HSF2: variants seen among roughly 807,000 people sequenced by gnomAD.
The protein encoded by HSF2 is heat shock factor protein 2.
In HSF2, 21 loss-of-function variants were observed where a neutral mutation model predicts 65.0. That is an observed-to-expected ratio of 0.32 (90% confidence interval 0.23 to 0.47). HSF2 has a LOEUF of 0.47. Ranked by LOEUF, HSF2 falls within the 20% of genes least tolerant of loss-of-function variation. The probability of loss-of-function intolerance (pLI) is 1.00; values close to 1 mark genes in which losing one functional copy is unlikely to be tolerated. For missense variants in HSF2, 499 were observed against 628.1 expected (o/e 0.79, Z 2.20); for synonymous variants, 225 against 219.1 (o/e 1.03, Z -0.24).
chr6:122,421,931 G>A (rs561186774), intron 7 of HSF2, among the ~76,000 whole-genome samples: 5 of 152,054 alleles, frequency 3.3e-5, no homozygotes, highest in African/African-American at 4.8e-5. Flanking sequence ...AGTAAAAGAA[G>A]TAGTAAAGTG....
chr6:122,399,907 C>G (rs1446818946), intron 1 of HSF2, 77 bp downstream of exon 1: 3 of 1,137,076 alleles, frequency 2.6e-6, no homozygotes, highest in Non-Finnish European at 3.9e-6. Flanking sequence ...GGTGGTCTCT[C>G]GCGGCCTTGC....
intron 1 of HSF2, 36 bp from the exon 2 acceptor site, chr6:122,412,337 C>T (rs1300460867): frequency 8.1e-7 from 1 of 1,240,422 alleles, no homozygotes; most frequent in African/African-American, 1.5e-5. Flanking sequence ...AGGAACTTAA[C>T]TAATTTACTT....
In HSF2 at chr6:122,432,621, C is replaced by G. The variant is rs1481966792; in HGVS notation, c.*401C>G. On this transcript the variant is annotated 3_prime_UTR_variant, in exon 13 of 13. Coordinates refer to ENST00000368455, the MANE Select transcript of HSF2 (RefSeq NM_004506.4). ...AATGGTATAACTCCTAAAGCTTTCTCTGCTCCAGTTATTTTTATTAAATAT... is the reference window on the plus strand; with the variant it reads ...AATGGTATAACTCCTAAAGCTTTCTGTGCTCCAGTTATTTTTATTAAATAT... The G allele has an allele frequency of 6.4e-6, 1 of 155,756 alleles. No individual in the cohort carries two copies. The highest frequency in any genetic ancestry group is 2.4e-5 in the African/African-American group (1 of 41,534). 9.6% of individuals were successfully genotyped at this position (155,756 alleles called of 1,614,324 possible).
chr6:122,407,382 C>G (rs1262962970), intron 1 of HSF2, among the ~76,000 whole-genome samples: 1 of 152,136 alleles, frequency 6.6e-6, no homozygotes, highest in Non-Finnish European at 1.5e-5. Context: ...CCGCTATTAG[C>G]CATGTATGAG....
chr6:122,420,310 G>T (rs1264194055), intron 7 of HSF2, 88 bp downstream of exon 7: 2 of 945,390 alleles, frequency 2.1e-6, no homozygotes, highest in Non-Finnish European at 3.1e-6. Context: ...AAGAAGTGTG[G>T]TGAATAACAA....
At chr6:122,412,335 A>T in intron 1 of HSF2, 38 bp from the exon 2 acceptor site, 1 of 1,210,610 alleles carries the variant, frequency 8.3e-7, no homozygotes, top group Non-Finnish European at 1.2e-6. Flanking sequence ...ATAGGAACTT[A>T]ACTAATTTAC....
intron 1 of HSF2, among the ~76,000 whole-genome samples, chr6:122,400,055 G>T (rs1171068960): frequency 2.0e-5 from 3 of 152,116 alleles, no homozygotes; most frequent in African/African-American, 7.2e-5. Context: ...GTGGGGGAGG[G>T]GCGGCCCGCG....
At chr6:122,412,924 A>G (rs145904260) in intron 3 of HSF2, among the ~76,000 whole-genome samples, 160 bp downstream of exon 3, 1,848 of 151,562 alleles carry the variant, frequency 0.012, 15 homozygotes, top group Non-Finnish European at 0.018. Context: ...TTTTTTTCCT[A>G]AGTTAGCTTA....
Position 122,412,404 on chromosome 6 carries a change from A to C in HSF2, c.125A>C (p.Gln42Pro). 1 of 1,612,562 alleles carries C rather than the reference A, an allele frequency of 6.2e-7. No individual in the cohort carries two copies. Among genetic ancestry groups the C allele is most frequent in the Non-Finnish European group, 8.5e-7 (1 of 1,178,830 alleles). The change falls in exon 2 of 13, where the codon CAA becomes CCA. Residue 42 changes from glutamine to proline, a missense_variant. Gln to Pro is a moderately conservative substitution (Grantham distance 76). Transcript: ENST00000368455. ...NGQSFLVLDEQRFAKEILPKY... is the reference protein window; with the variant it reads ...NGQSFLVLDEPRFAKEILPKY... ...CAAAGTTTTCTGGTCTTGGATGAGC[A>C]ACGATTTGCAAAAGAAATTCTTCCC...
At chr6:122,404,526 A>AT (rs1419205814) in intron 1 of HSF2, among the ~76,000 whole-genome samples, 2 of 152,236 alleles carry the variant, frequency 1.3e-5, no homozygotes, top group African/African-American at 4.8e-5. Context: ...GTTCCGAAAA[A>AT]TGTTTTAAAG....
chr6:122,422,978 T>G (rs1357183293), intron 9 of HSF2, 21 bp downstream of exon 9: 1 of 1,611,138 alleles, frequency 6.2e-7, no homozygotes, highest in African/African-American at 1.3e-5. Context: ...ATCTAGATGT[T>G]GTCTAAAATT....
At position 122,431,431 on chromosome 6, in the gene HSF2, C is replaced by A; in HGVS notation, c.1232C>A (p.Ser411Tyr). ...TATATATATATTTTTTTCTTTTAGT[C>A]TGAGAATAAAGGATTAGAAACTACC... ...NPTDYINNTK[S>Y]ENKGLETTKN... The change falls in exon 12 of 13, where the codon TCT becomes TAT. Residue 411 changes from serine (S) to tyrosine (Y), a missense_variant and splice_region_variant. Around this residue, in one of 2 missense-constraint regions of HSF2, gnomAD observed 349 missense variants for 393.5 expected, o/e 0.89. Transcript: ENST00000368455. The A allele has an allele frequency of 1.4e-6, 2 of 1,473,786 alleles. No individual in the cohort carries two copies. The highest frequency in any genetic ancestry group is 2.9e-5 in the South Asian group (2 of 68,224). 91.3% of individuals were successfully genotyped at this position (1,473,786 alleles called of 1,614,324 possible).
chr6:122,403,855 G>A (rs1773799099), intron 1 of HSF2, among the ~76,000 whole-genome samples: 1 of 152,134 alleles, frequency 6.6e-6, no homozygotes, highest in African/African-American at 2.4e-5. Flanking sequence ...GCACATATTA[G>A]CTTGGAAGCA....
At chr6:122,405,116 TC>T (rs1397700322) in intron 1 of HSF2, among the ~76,000 whole-genome samples, 1 of 151,880 alleles carries the variant, frequency 6.6e-6, no homozygotes, top group Non-Finnish European at 1.5e-5. Context: ...GTGGTGGATA[TC>T]AATAAATAGT....
chr6:122,420,134 G>C lies in HSF2; in HGVS notation c.594-1G>C. The C allele has an allele frequency of 6.2e-7, 1 of 1,601,804 alleles. No individual in the cohort carries two copies. ...GAACTGCATATTCTTCTGGTTTTCA[G>C]GCCTCTACTTCTAAACACTAATGGA... On this transcript the variant is annotated splice_acceptor_variant, in intron 6 of 12. Transcript: ENST00000368455. LOFTEE classifies it high-confidence loss of function.
At chr6:122,417,833 C>T (rs559073169) in intron 5 of HSF2, among the ~76,000 whole-genome samples, 9 of 152,174 alleles carry the variant, frequency 5.9e-5, no homozygotes, top group East Asian at 1.9e-4. Context: ...AAACTGAAGT[C>T]GAATTGTATC....
intron 10 of HSF2, among the ~76,000 whole-genome samples, chr6:122,425,218 G>A (rs750278821): frequency 1.3e-5 from 2 of 151,912 alleles, no homozygotes; most frequent in African/African-American, 2.4e-5. Flanking sequence ...CTTTAGAAAC[G>A]AGTGGCTGTA....
At chr6:122,405,494 A>G (rs1355634249) in intron 1 of HSF2, among the ~76,000 whole-genome samples, 3 of 152,338 alleles carry the variant, frequency 2.0e-5, no homozygotes, top group East Asian at 1.9e-4. Flanking sequence ...CACTACTGAT[A>G]GGGCTGAGAT....
intron 1 of HSF2, among the ~76,000 whole-genome samples, chr6:122,405,306 T>G (rs1773845046): frequency 6.7e-6 from 1 of 150,170 alleles, no homozygotes; most frequent in Non-Finnish European, 1.5e-5. Context: ...ATCAATATAA[T>G]TTCAGTTAGT....
Sources: allele counts gnomAD v4.1 joint callset (sites outside exome capture counted in the v4.1 genomes callset), GRCh38; gene constraint gnomAD v4.1.1; regional missense constraint gnomAD v4.1.1; transcripts MANE v1.5; gene names NCBI Gene and HGNC (gene_info 2026-07-23, HGNC 2026-07-21).